The following RALGPS2 variants were observed in gnomAD, a reference collection of about 807,000 sequenced individuals.
The protein encoded by RALGPS2 is ras-specific guanine nucleotide-releasing factor RalGPS2.
In RALGPS2, 43 loss-of-function variants were observed where a neutral mutation model predicts 86.8. The ratio of observed to expected loss-of-function variants is 0.50; its 90% CI spans 0.39 to 0.64. The LOEUF (loss-of-function observed/expected upper bound fraction) is 0.64, where lower values mean the gene tolerates loss of function less well. Among genes scored for constraint, RALGPS2 ranks in the 30% least tolerant of loss-of-function variants. RALGPS2 has a pLI of 0.00. For missense variants in RALGPS2, 536 were observed against 694.6 expected (o/e 0.77, Z 2.57); for synonymous variants, 243 against 231.3 (o/e 1.05, Z -0.46).
intron 4 of RALGPS2, among the ~76,000 whole-genome samples, chr1:178,807,604 T>C (rs1654802072): frequency 6.6e-6 from 1 of 152,184 alleles, no homozygotes; most frequent in South Asian, 2.1e-4. Flanking sequence ...ACAGGCACTT[T>C]TTGGGGATCA....
At position 178,836,919 on chromosome 1, in the gene RALGPS2, C is replaced by T. The variant is rs552630702; in HGVS notation, c.607+3369C>T. Among the ~76,000 whole-genome samples, 5 of 152,238 alleles carry T rather than the reference C, an allele frequency of 3.3e-5. No individual in the cohort carries two copies. The South Asian group carries it at 1.0e-3, about 32-fold the overall frequency. The stretch of plus-strand genomic sequence containing the variant: ...TTAGCCTCTGCAGTAGCTGAGACTA[C>T]AGGTGTGCACCACCAAGCACAGCTA... On this transcript the variant is annotated intron_variant, in intron 8 of 19. Transcript: ENST00000367635.
intron 8 of RALGPS2, among the ~76,000 whole-genome samples, chr1:178,877,206 G>A (rs1469950106): frequency 6.6e-6 from 1 of 152,066 alleles, no homozygotes; most frequent in Admixed American, 6.6e-5. Context: ...ATTCCCATAT[G>A]TGCTGGAGTT....
intron 1 of RALGPS2, among the ~76,000 whole-genome samples, chr1:178,735,431 C>CTTTT (rs565080292): frequency 1.5e-5 from 2 of 134,444 alleles, no homozygotes; most frequent in Admixed American, 7.6e-5. Flanking sequence ...TTTTTCTTTT[C>CTTTT]TTTTTTTTTT....
intron 8 of RALGPS2, among the ~76,000 whole-genome samples, chr1:178,870,158 C>T (rs963176174): frequency 2.6e-5 from 4 of 152,060 alleles, no homozygotes; most frequent in African/African-American, 4.8e-5. Context: ...TGAGTTGGAA[C>T]AAGAAATGCC....
chr1:178,773,571 A>G (rs1008330105), intron 1 of RALGPS2, among the ~76,000 whole-genome samples: 3 of 152,124 alleles, frequency 2.0e-5, no homozygotes, highest in Non-Finnish European at 4.4e-5. Flanking sequence ...CCTCTCTGTT[A>G]TACTTCAACA....
rs1558185160 is a variant in RALGPS2 at position 178,916,320 on chromosome 1, TA to T, written c.1723-9del. 1 of 1,587,332 alleles carries T rather than the reference TA, an allele frequency of 6.3e-7. No homozygotes were observed. Among genetic ancestry groups the T allele is most frequent in the Non-Finnish European group, 8.6e-7 (1 of 1,157,350 alleles). ...TTTTAAACTCAGTTTTTAATGCTTA[TA>T]TTTTTTAGGTTCCTACAAACTTGAT... On this transcript the variant is annotated splice_polypyrimidine_tract_variant and intron_variant, in intron 19 of 19. Coordinates refer to ENST00000367635, the MANE Select transcript of RALGPS2 (RefSeq NM_152663.5).
chr1:178,848,623 G>T (rs903463604), intron 8 of RALGPS2, among the ~76,000 whole-genome samples: 4 of 152,136 alleles, frequency 2.6e-5, no homozygotes, highest in African/African-American at 9.7e-5. Context: ...GAAGATAATG[G>T]ATCAATGTAA....
At chr1:178,804,253 C>CTTTT (rs11302348) in intron 4 of RALGPS2, among the ~76,000 whole-genome samples, 1 of 132,120 alleles carries the variant, frequency 7.6e-6, no homozygotes, top group Non-Finnish European at 1.6e-5. Context: ...GCTGTTTCTT[C>CTTTT]TTTTTTTTTT....
intron 8 of RALGPS2, among the ~76,000 whole-genome samples, chr1:178,857,629 A>G (rs1308445874): frequency 1.3e-5 from 2 of 152,164 alleles, no homozygotes; most frequent in Admixed American, 1.3e-4. Flanking sequence ...TACAACATAT[A>G]TATATTTATC....
At chr1:178,895,115 AAAG>A (rs1659885169) in intron 16 of RALGPS2, among the ~76,000 whole-genome samples, 1 of 152,086 alleles carries the variant, frequency 6.6e-6, no homozygotes, top group Non-Finnish European at 1.5e-5. Context: ...AATATGTATC[AAAG>A]AAGTTTCTTC....
intron 15 of RALGPS2, 148 bp downstream of exon 15, chr1:178,892,455 A>C: frequency 1.5e-6 from 1 of 655,580 alleles, no homozygotes; most frequent in South Asian, 2.0e-5. Flanking sequence ...TTTCTTTCCA[A>C]GATCTAATAT....
intron 5 of RALGPS2, 88 bp from the exon 6 acceptor site, chr1:178,811,227 C>G (rs1454641037): frequency 3.0e-6 from 3 of 983,746 alleles, no homozygotes; most frequent in Non-Finnish European, 1.5e-6. Flanking sequence ...TAGAGCTTAC[C>G]TAATTCTGCC....
At chr1:178,899,677 A>G (rs1220636402) in intron 17 of RALGPS2, among the ~76,000 whole-genome samples, 5 of 147,846 alleles carry the variant, frequency 3.4e-5, no homozygotes. Context: ...CAAAATATTT[A>G]ACCTGAATCT....
chr1:178,836,969 C>G (rs1247098189), intron 8 of RALGPS2, among the ~76,000 whole-genome samples: 1 of 151,962 alleles, frequency 6.6e-6, no homozygotes, highest in Non-Finnish European at 1.5e-5. Context: ...TTTGTAGAGA[C>G]AGGATCTCGC....
chr1:178,895,294 A>T (rs1303103162), intron 16 of RALGPS2, among the ~76,000 whole-genome samples: 1 of 152,084 alleles, frequency 6.6e-6, no homozygotes, highest in African/African-American at 2.4e-5. Context: ...AGTAAGCCAA[A>T]GGCACATACA....
chr1:178,879,104 C>T (rs974750193), intron 10 of RALGPS2, 112 bp downstream of exon 10: 2 of 1,422,126 alleles, frequency 1.4e-6, no homozygotes, highest in Non-Finnish European at 9.3e-7. Context: ...AGGACTAATC[C>T]AGTGGTTTAC....
intron 8 of RALGPS2, among the ~76,000 whole-genome samples, chr1:178,861,810 A>G (rs1658034286): frequency 6.6e-6 from 1 of 152,168 alleles, no homozygotes; most frequent in Non-Finnish European, 1.5e-5. Flanking sequence ...TTCTATACCC[A>G]GTGGGTCACT....
chr1:178,891,228 A>G (rs1174379127), intron 14 of RALGPS2, among the ~76,000 whole-genome samples: 2 of 152,222 alleles, frequency 1.3e-5, no homozygotes, highest in East Asian at 3.9e-4. Flanking sequence ...TCTTATGCCA[A>G]GTTTAAAATA....
rs766175478 is a variant in RALGPS2 at position 178,902,130 on chromosome 1, G to A, written c.1549G>A (p.Val517Ile). The change falls in exon 18 of 20, where the codon GTA becomes ATA. Residue 517 changes from valine to isoleucine, a missense_variant. Around this residue, in one of 3 missense-constraint regions of RALGPS2, gnomAD observed 309 missense variants for 363.0 expected, o/e 0.85. Coordinates refer to ENST00000367635, the MANE Select transcript of RALGPS2 (RefSeq NM_152663.5). ...GTTCAAATCAACATCCAATAAGAAC[G>A]TATCTGTGATAGGATGGATGGTGAT... ...KHFKSTSNKN[V>I]SVIGWMVMMA... is the part of the protein sequence containing the mutation. 81 of 1,612,136 alleles carry A rather than the reference G, an allele frequency of 5.0e-5. No individual in the cohort carries two copies. The highest frequency in any genetic ancestry group is 7.7e-5 in the South Asian group (7 of 91,014).
Sources: gnomAD v4.1 joint callset for allele counts (sites outside exome capture counted in the v4.1 genomes callset) on GRCh38, gnomAD v4.1.1 for gene constraint, gnomAD v4.1.1 regional missense constraint, MANE v1.5 for transcripts, NCBI Gene and HGNC (gene_info 2026-07-23, HGNC 2026-07-21) for gene names.